Variants in COL5A2 observed in about 807,000 individuals in gnomAD.
COL5A2 encodes the protein collagen alpha-2(V) chain.
Under a neutral mutation model 208.2 loss-of-function variants are expected in COL5A2, and 23 were observed. The observed-to-expected ratio is 0.11, with a 90% CI of 0.08 to 0.16. COL5A2 has a LOEUF of 0.16. COL5A2 is among the 10% of genes least tolerant of loss of function. COL5A2 has a pLI of 1.00. For missense variants in COL5A2, 1,590 were observed against 1,956.4 expected (o/e 0.81, Z 3.53); for synonymous variants, 625 against 628.5 (o/e 0.99, Z 0.08).
At chr2:189,148,423 C>T (rs1318627611) in intron 1 of COL5A2, among the ~76,000 whole-genome samples, 1 of 152,068 alleles carries the variant, frequency 6.6e-6, no homozygotes, top group South Asian at 2.1e-4. Context: ...GAGGTAAGAA[C>T]TCTGGATGAA....
chr2:189,367,919 A>G, the COL5A2 span, among the ~76,000 whole-genome samples: 1 of 152,130 alleles, frequency 6.6e-6, no homozygotes, highest in Non-Finnish European at 1.5e-5. Context: ...CTTTACTTGG[A>G]TAGGTCCCAT....
chr2:189,263,674 T>A, the COL5A2 span, among the ~76,000 whole-genome samples: 3 of 152,296 alleles, frequency 2.0e-5, no homozygotes, highest in African/African-American at 7.2e-5. Flanking sequence ...TGTACCTTTT[T>A]AAATCTTTTA....
chr2:189,076,601 T>C (rs1207122656), intron 16 of COL5A2, among the ~76,000 whole-genome samples: 3 of 152,164 alleles, frequency 2.0e-5, no homozygotes, highest in African/African-American at 7.2e-5. Context: ...ATTTTAATTC[T>C]CATCTGCAAC....
At chr2:189,196,151 C>G (rs190008214) in intron 1 of COL5A2, among the ~76,000 whole-genome samples, 4 of 152,152 alleles carry the variant, frequency 2.6e-5, no homozygotes, top group Non-Finnish European at 5.9e-5. Flanking sequence ...AGGATGTGAA[C>G]AGACACTTCT....
At chr2:189,190,336 T>C (rs187202389) in intron 1 of COL5A2, among the ~76,000 whole-genome samples, 9 of 152,320 alleles carry the variant, frequency 5.9e-5, no homozygotes. Context: ...ATTTTATAAA[T>C]GTGCCTTGTC....
rs746546689 is a variant in COL5A2, at chr2:189,062,977, A to G, written c.1923+33T>C. 39 of 1,613,872 alleles carry G rather than the reference A, an allele frequency of 2.4e-5. No homozygotes were observed. The South Asian group carries it at 3.5e-4, about 15-fold the overall frequency. On this transcript the variant is annotated intron_variant, in intron 28 of 53. Transcript: ENST00000374866. ...CTATGATAATTTAAATAGTACCTAC[A>G]TTATTTTTCTTTAGCAGAAAATGTA...
At chr2:189,288,163 T>C in the COL5A2 span, among the ~76,000 whole-genome samples, 6 of 152,000 alleles carry the variant, frequency 3.9e-5, no homozygotes, top group Admixed American at 1.3e-4. Flanking sequence ...AAAAAGACGT[T>C]TGGGCTTCTC....
rs1685963026 is a variant in COL5A2, at chr2:189,058,947, T to A, written c.2086-54A>T. 5.9e-6 allele frequency: 9 copies of A among 1,526,780 alleles called. No individual in the cohort carries two copies. In the South Asian group the frequency reaches 1.0e-4, roughly 17 times the overall value. The allele number at this position is 1,526,780 out of a possible 1,614,324, so 94.6% of individuals were successfully genotyped here. On this transcript the variant is annotated intron_variant, in intron 31 of 53. Coordinates refer to ENST00000374866, the MANE Select transcript of COL5A2 (RefSeq NM_000393.5). Reference sequence around the variant, plus strand: ...AACAAGAGCTTTGAGTTTAGGCATTTATCAGAAAACTTTCCAGTTCATACA... The same window carrying A: ...AACAAGAGCTTTGAGTTTAGGCATTAATCAGAAAACTTTCCAGTTCATACA...
intron 1 of COL5A2, among the ~76,000 whole-genome samples, chr2:189,151,303 T>C (rs1404169579): frequency 6.6e-6 from 1 of 152,154 alleles, no homozygotes; most frequent in Non-Finnish European, 1.5e-5. Context: ...CTAATTTCTA[T>C]GGCAAATGGT....
At chr2:189,109,722 T>A (rs1687222526) in intron 2 of COL5A2, among the ~76,000 whole-genome samples, 1 of 152,198 alleles carries the variant, frequency 6.6e-6, no homozygotes, top group South Asian at 2.1e-4. Context: ...GAAATCTATT[T>A]CATTCTTTAC....
At chr2:189,075,749 A>G (rs1686390470) in intron 16 of COL5A2, among the ~76,000 whole-genome samples, 1 of 152,192 alleles carries the variant, frequency 6.6e-6, no homozygotes, top group Admixed American at 6.5e-5. Flanking sequence ...GAAAATTTGA[A>G]CACCTCAGTA....
the COL5A2 span, among the ~76,000 whole-genome samples, chr2:189,360,552 C>G: frequency 1.4e-4 from 21 of 152,140 alleles, no homozygotes; most frequent in South Asian, 2.1e-4. Context: ...AATATTACTT[C>G]CATTATTGAT....
chr2:189,135,093 T>C lies in COL5A2; in HGVS notation c.98-24644A>G, dbSNP rs77797039. Among the ~76,000 whole-genome samples the C allele has an allele frequency of 4.0e-3, 605 of 152,312 alleles. 6 individuals are homozygous for C. The highest frequency in any genetic ancestry group is 0.012 in the African/African-American group (515 of 41,580). Reference sequence around the variant, plus strand: ...TCAATTCAAGTCACAACTTTTCTTCTTGTTATCTTTCTATTCCTATTTTCC... The same window carrying C: ...TCAATTCAAGTCACAACTTTTCTTCCTGTTATCTTTCTATTCCTATTTTCC... On this transcript the variant is annotated intron_variant, in intron 1 of 53. Transcript: ENST00000374866.
intron 1 of COL5A2, among the ~76,000 whole-genome samples, chr2:189,149,001 C>T (rs553263420): frequency 3.3e-5 from 5 of 152,170 alleles, no homozygotes; most frequent in South Asian, 2.1e-4. Flanking sequence ...ATTAATTGGG[C>T]GTGGTGGCAT....
chr2:189,415,851 G>A, the COL5A2 span, among the ~76,000 whole-genome samples: 3 of 151,972 alleles, frequency 2.0e-5, no homozygotes, highest in African/African-American at 7.3e-5. Context: ...TAGTAGAGGC[G>A]GGGTTTCATC....
the COL5A2 span, among the ~76,000 whole-genome samples, chr2:189,332,932 T>C: frequency 1.3e-5 from 2 of 152,152 alleles, no homozygotes; most frequent in African/African-American, 4.8e-5. Context: ...AATCCTCAAA[T>C]ATTTGGAAAT....
chr2:189,356,442 C>T, the COL5A2 span, among the ~76,000 whole-genome samples: 1 of 152,144 alleles, frequency 6.6e-6, no homozygotes, highest in Non-Finnish European at 1.5e-5. Context: ...TCTCTTTATT[C>T]TTTTTTCTCT....
chr2:189,336,795 A>G, the COL5A2 span, among the ~76,000 whole-genome samples: 1 of 152,214 alleles, frequency 6.6e-6, no homozygotes, highest in Non-Finnish European at 1.5e-5. Flanking sequence ...GGTTTGCACA[A>G]TAGTCAAAAT....
chr2:189,075,468 TA>T, intron 16 of COL5A2, 31 bp from the exon 17 acceptor site: 1 of 1,560,660 alleles, frequency 6.4e-7, no homozygotes, highest in Non-Finnish European at 8.8e-7. Flanking sequence ...CAAGACAGGA[TA>T]AGATTACATT....
Sources: allele counts gnomAD v4.1 joint callset (sites outside exome capture counted in the v4.1 genomes callset), GRCh38; gene constraint gnomAD v4.1.1; transcripts MANE v1.5; gene names NCBI Gene and HGNC (gene_info 2026-07-23, HGNC 2026-07-21).